EPHB1: variants seen among roughly 807,000 people sequenced by gnomAD.
EPHB1 encodes EPH receptor B1.
In EPHB1, 30 loss-of-function variants were observed where a neutral mutation model predicts 94.4. The ratio of observed to expected loss-of-function variants is 0.32; its 90% confidence interval spans 0.24 to 0.43. The LOEUF is 0.43. Among genes scored for constraint, EPHB1 ranks in the 20% least tolerant of loss-of-function variants. The probability of loss-of-function intolerance (pLI) is 1.00; values close to 1 mark genes in which losing one functional copy is unlikely to be tolerated. For synonymous variants in EPHB1, 522 were observed against 489.1 expected, an observed-to-expected ratio of 1.07 and a Z score of -0.89; for missense variants, 1,055 against 1,308.3, an observed-to-expected ratio of 0.81 and a Z score of 2.99.
intron 12 of EPHB1, among the ~76,000 whole-genome samples, chr3:135,213,029 T>C (rs1322243230): frequency 3.3e-5 from 5 of 152,222 alleles, no homozygotes; most frequent in Non-Finnish European, 7.3e-5. Flanking sequence ...ATCACCATCT[T>C]CTAATACATC....
chr3:135,046,314 G>A (rs547042867), intron 3 of EPHB1, among the ~76,000 whole-genome samples: 1 of 152,108 alleles, frequency 6.6e-6, no homozygotes, highest in African/African-American at 2.4e-5. Flanking sequence ...TGTCATTGTC[G>A]CATGTGAGCT....
intron 4 of EPHB1, among the ~76,000 whole-genome samples, chr3:135,128,698 C>T (rs746950010): frequency 6.6e-6 from 1 of 152,134 alleles, no homozygotes; most frequent in African/African-American, 2.4e-5. Context: ...TATTAGTTTT[C>T]TCTCACTGGA....
intron 1 of EPHB1, among the ~76,000 whole-genome samples, chr3:134,805,722 C>T (rs939396725): frequency 2.0e-5 from 3 of 152,166 alleles, no homozygotes; most frequent in African/African-American, 7.2e-5. Context: ...CCTGCTTGCT[C>T]TGTTTGTGTT....
At position 135,012,118 on chromosome 3, in the gene EPHB1, G is replaced by C. The variant is rs1011309962; in HGVS notation, c.805+60066G>C. On this transcript the variant is annotated intron_variant, in intron 3 of 15. Transcript: ENST00000398015. ...ATTCAAACTGAAGGTGCCTTGTCCT[G>C]AAGGAATCAATAATCTCTGAATAAT... Among the ~76,000 whole-genome samples the C allele has an allele frequency of 3.3e-5, 5 of 152,306 alleles. No individual in the cohort carries two copies. In the South Asian group the frequency reaches 1.0e-3, roughly 32 times the overall value.
chr3:135,012,060 C>T (rs1046656587), intron 3 of EPHB1, among the ~76,000 whole-genome samples: 4 of 152,206 alleles, frequency 2.6e-5, no homozygotes, highest in African/African-American at 7.2e-5. Context: ...CTTCTATATA[C>T]GTAATGAGGG....
intron 15 of EPHB1, among the ~76,000 whole-genome samples, chr3:135,258,799 G>A (rs905023344): frequency 2.0e-5 from 3 of 152,210 alleles, no homozygotes; most frequent in African/African-American, 7.2e-5. Flanking sequence ...GCACTCCCAG[G>A]ATTGCCTAAG....
intron 1 of EPHB1, among the ~76,000 whole-genome samples, chr3:134,849,170 A>G (rs1488969435): frequency 1.3e-5 from 2 of 152,208 alleles, no homozygotes; most frequent in African/African-American, 4.8e-5. Flanking sequence ...TGGTTCTCAG[A>G]CTTCAGCATC....
intron 3 of EPHB1, among the ~76,000 whole-genome samples, chr3:135,103,010 C>T (rs1939087263): frequency 6.6e-6 from 1 of 152,044 alleles, no homozygotes; most frequent in Admixed American, 6.6e-5. Flanking sequence ...AGCATTAGGA[C>T]AAATACCTAA....
chr3:134,964,733 G>T (rs2107723677), intron 3 of EPHB1, among the ~76,000 whole-genome samples: 1 of 152,166 alleles, frequency 6.6e-6, no homozygotes, highest in African/African-American at 2.4e-5. Context: ...TGCATCTTTG[G>T]TCAAATTTGT....
chr3:135,129,577 G>A (rs1167538482), intron 4 of EPHB1, among the ~76,000 whole-genome samples: 1 of 152,168 alleles, frequency 6.6e-6, no homozygotes, highest in Non-Finnish European at 1.5e-5. Flanking sequence ...TGCTGTCTGG[G>A]GATAGTAATT....
At chr3:135,181,916 A>T (rs1942163906) in intron 10 of EPHB1, among the ~76,000 whole-genome samples, 1 of 152,200 alleles carries the variant, frequency 6.6e-6, no homozygotes, top group Non-Finnish European at 1.5e-5. Context: ...GGGAGAAATG[A>T]TGCATTTAGT....
chr3:134,933,219 C>T (rs1046434751), intron 2 of EPHB1, among the ~76,000 whole-genome samples: 2 of 152,122 alleles, frequency 1.3e-5, no homozygotes, highest in Non-Finnish European at 2.9e-5. Context: ...AGGTTTCATG[C>T]TGGAGTTCTT....
intron 4 of EPHB1, among the ~76,000 whole-genome samples, chr3:135,117,907 C>T (rs1012868693): frequency 1.2e-4 from 18 of 150,428 alleles, no homozygotes; most frequent in Non-Finnish European, 1.2e-4. Flanking sequence ...CAGGTGCAGG[C>T]TGTCTCTTCT....
intron 1 of EPHB1, among the ~76,000 whole-genome samples, chr3:134,919,188 A>T (rs1280562228): frequency 2.0e-5 from 3 of 152,232 alleles, no homozygotes; most frequent in African/African-American, 7.2e-5. Context: ...TAGAGGAAGG[A>T]ATCAAAACTA....
At chr3:135,208,540 G>A (rs1325130122) in intron 12 of EPHB1, among the ~76,000 whole-genome samples, 1 of 152,140 alleles carries the variant, frequency 6.6e-6, no homozygotes, top group African/African-American at 2.4e-5. Flanking sequence ...TTCTAAACAA[G>A]GGAGGCAAGC....
intron 3 of EPHB1, among the ~76,000 whole-genome samples, chr3:135,044,876 AT>A (rs1936952705): frequency 6.6e-6 from 1 of 151,810 alleles, no homozygotes; most frequent in African/African-American, 2.4e-5. Context: ...GTTTTTTCCA[AT>A]TTTTTTTCTT....
rs1261079719 is a variant in EPHB1, at chr3:135,166,027, G to A, written c.1645G>A (p.Gly549Arg). The A allele has an allele frequency of 2.5e-6, 4 of 1,613,946 alleles. No homozygotes were observed. The highest frequency in any genetic ancestry group is 3.4e-6 in the Non-Finnish European group (4 of 1,179,878). ...LPLIAGSAAA[G>R]VVFVVSLVAI... ...CCTGATTGCTGGCTCGGCAGCGGCC[G>A]GGGTCGTGTTCGTTGTGTCCTTGGT... Residue 549 changes from glycine (G) to arginine (R), a missense_variant, in exon 8 of 16, where the codon GGG (glycine) becomes AGG (arginine). Gly to Arg is a moderately radical substitution (Grantham distance 125). Transcript: ENST00000398015.
intron 3 of EPHB1, among the ~76,000 whole-genome samples, chr3:135,053,133 G>A (rs1366811532): frequency 2.8e-5 from 4 of 143,398 alleles, no homozygotes; most frequent in Non-Finnish European, 6.0e-5. Flanking sequence ...CATTATGTTA[G>A]ATGTTTAGAT....
rs3732565 is a variant in EPHB1 at position 135,249,390 on chromosome 3, C to T, written c.2745C>T (p.Thr915=). 8.2e-4 allele frequency: 1,320 copies of T among 1,614,010 alleles called. 42 individuals are homozygous for T. The East Asian group carries it at 0.029, about 35-fold the overall frequency. The change falls in exon 15 of 16, where the codon ACC becomes ACT. Residue 915 remains threonine (T), a synonymous_variant. Transcript: ENST00000398015. The part of the protein sequence containing the change: ...RSIPDFTAFT[T]VDDWLSAIKM... ...TCCCAGACTTCACGGCCTTTACCAC[C>T]GTGGATGACTGGCTCAGCGCCATCA...
Sources: allele counts gnomAD v4.1 joint callset (sites outside exome capture counted in the v4.1 genomes callset), GRCh38; gene constraint gnomAD v4.1.1; transcripts MANE v1.5; gene names NCBI Gene and HGNC (gene_info 2026-07-23, HGNC 2026-07-21).